Variants in MBP observed in about 807,000 individuals in gnomAD.
MBP encodes the protein Golli-MBP.
MBP carries 16 observed loss-of-function variants against 35.8 expected under a neutral mutation model. The ratio of observed to expected loss-of-function variants is 0.45; its 90% CI spans 0.30 to 0.68. The LOEUF (loss-of-function observed/expected upper bound fraction) is 0.68. Among genes scored for constraint, MBP ranks in the 30% least tolerant of loss-of-function variants. The pLI is 0.08. For synonymous variants in MBP, 143 were observed against 159.6 expected (o/e 0.90, Z 0.78); for missense variants, 380 against 404.7 (o/e 0.94, Z 0.52).
In MBP at chr18:76,988,351, C is replaced by G; in HGVS notation, c.750+144G>C. 3.1e-6 allele frequency: 5 copies of G among 1,607,450 alleles called. No individual in the cohort carries two copies. The highest frequency in any genetic ancestry group is 4.2e-6 in the Non-Finnish European group (5 of 1,176,772). ...TTTCCCCAGTGGAAGACAAGGCGGCCCGATCCCAGCTGTGGGCAGAGAGGT... is the reference window on the plus strand; with the variant it reads ...TTTCCCCAGTGGAAGACAAGGCGGCGCGATCCCAGCTGTGGGCAGAGAGGT... On this transcript the variant is annotated intron_variant, in intron 7 of 8. Coordinates refer to ENST00000355994, the MANE Select transcript of MBP (RefSeq NM_001025101.2). The surrounding 1 kb of genome is among the most constrained non-coding windows in gnomAD (Gnocchi z 5.2).
chr18:77,000,753 A>G (rs140777783), intron 4 of MBP, among the ~76,000 whole-genome samples: 33 of 151,948 alleles, frequency 2.2e-4, no homozygotes, highest in South Asian at 8.3e-4. Flanking sequence ...CTGCTTTCCA[A>G]TTTGTTTTAA....
At chr18:77,074,491 A>G (rs531986886) in intron 2 of MBP, among the ~76,000 whole-genome samples, 3 of 152,318 alleles carry the variant, frequency 2.0e-5, no homozygotes, top group Admixed American at 6.5e-5. Flanking sequence ...CAACAGGACT[A>G]TAAGCCTGTG....
At chr18:76,984,706 C>A in intron 8 of MBP, 69 bp downstream of exon 8, 3 of 1,609,012 alleles carry the variant, frequency 1.9e-6, no homozygotes, top group Non-Finnish European at 8.5e-7. Context: ...CACCCTTGTA[C>A]TCAGCTTAGT....
intron 1 of MBP, among the ~76,000 whole-genome samples, chr18:77,126,811 T>A (rs1977065876): frequency 6.6e-6 from 1 of 152,200 alleles, no homozygotes. Flanking sequence ...AAAACACTTA[T>A]GTACACTGTA....
At chr18:77,093,785 C>T (rs1407793576) in intron 2 of MBP, among the ~76,000 whole-genome samples, 1 of 152,176 alleles carries the variant, frequency 6.6e-6, no homozygotes, top group African/African-American at 2.4e-5. Flanking sequence ...TGCTGGACAC[C>T]CCGCCCAGCA....
rs1568354773 is a variant in MBP at position 77,131,069 on chromosome 18, ACGCGCGCACGCACGCG to A, written c.-26+1495_-26+1510del. ...AAACCTCAAAAAACAAAACACACAC[ACGCGCGCACGCACGCG>A]CACACACACACACACACACACACAC... is the stretch of plus-strand genomic sequence containing the variant. On this transcript the variant is annotated intron_variant, in intron 1 of 8. Transcript: ENST00000355994. The surrounding 1 kb of genome is among the most constrained non-coding windows in gnomAD (Gnocchi z 5.5). Among the ~76,000 whole-genome samples the A allele has an allele frequency of 1.2e-5, 1 of 80,738 alleles. No homozygotes were observed. Among genetic ancestry groups the A allele is most frequent in the Admixed American group, 1.2e-4 (1 of 8,564 alleles). 53.0% of individuals were successfully genotyped at this position (80,738 alleles called of 152,430 possible).
At chr18:77,072,752 C>T (rs890880639) in intron 2 of MBP, among the ~76,000 whole-genome samples, 2 of 152,186 alleles carry the variant, frequency 1.3e-5, no homozygotes, top group Admixed American at 6.5e-5. Context: ...GATGTAGTGC[C>T]GCCCGCAGCG....
rs1977238585 is a variant in MBP at position 77,131,071 on chromosome 18, G to GCA, written c.-26+1508_-26+1509insTG. On this transcript the variant is annotated intron_variant, in intron 1 of 8. Transcript: ENST00000355994. The surrounding 1 kb of genome is among the most constrained non-coding windows in gnomAD (Gnocchi z 5.5). Reference sequence around the variant, plus strand: ...ACCTCAAAAAACAAAACACACACACGCGCGCACGCACGCGCACACACACAC... The same window carrying GCA: ...ACCTCAAAAAACAAAACACACACACGCACGCGCACGCACGCGCACACACACAC... Among the ~76,000 whole-genome samples, 1 of 17,654 alleles carries GCA rather than the reference G, an allele frequency of 5.7e-5. No individual in the cohort carries two copies. The highest frequency in any genetic ancestry group is 1.6e-4 in the African/African-American group (1 of 6,366). 11.6% of individuals were successfully genotyped at this position (17,654 alleles called of 152,430 possible). A position where few individuals can be genotyped will look rare whatever the true frequency, so the allele number is the denominator to read the frequency against.
rs6565928 is a variant in MBP at position 77,063,990 on chromosome 18, G to C, written c.139+2308C>G. Among the ~76,000 whole-genome samples, 169 of 152,190 alleles carry C rather than the reference G, an allele frequency of 1.1e-3. 1 individual carries two copies. Among genetic ancestry groups the C allele is most frequent in the African/African-American group, 3.8e-3 (159 of 41,510 alleles). ...GAATAATCTCAAAAGCAATTAGCTA[G>C]GGGAATAATGATAAAGATGATGTTT... On this transcript the variant is annotated intron_variant, in intron 3 of 8. Coordinates refer to ENST00000355994, the MANE Select transcript of MBP (RefSeq NM_001025101.2).
intron 3 of MBP, among the ~76,000 whole-genome samples, chr18:77,065,181 T>G (rs1974145002): frequency 6.6e-6 from 1 of 152,238 alleles, no homozygotes; most frequent in African/African-American, 2.4e-5. Context: ...ACTGGATAAT[T>G]TATAAAGAAA....
chr18:76,992,134 G>C (rs989346795), intron 4 of MBP, among the ~76,000 whole-genome samples: 3 of 152,124 alleles, frequency 2.0e-5, no homozygotes, highest in Admixed American at 1.3e-4. Flanking sequence ...TTCCCTACTC[G>C]ATCCTCTTCA....
chr18:77,078,266 G>A (rs1375530750), intron 2 of MBP, among the ~76,000 whole-genome samples: 1 of 152,160 alleles, frequency 6.6e-6, no homozygotes, highest in Non-Finnish European at 1.5e-5. Flanking sequence ...TCTTCCGAGG[G>A]GCTGAAAGCT....
chr18:77,052,613 G>A (rs949647383), intron 3 of MBP, among the ~76,000 whole-genome samples: 2 of 152,212 alleles, frequency 1.3e-5, no homozygotes, highest in African/African-American at 4.8e-5. Flanking sequence ...AACTTGAAGC[G>A]AATGCAGCTA....
intron 4 of MBP, among the ~76,000 whole-genome samples, chr18:76,996,287 T>C (rs1046072074): frequency 6.6e-6 from 1 of 152,264 alleles, no homozygotes; most frequent in Admixed American, 6.5e-5. Flanking sequence ...CATTTCCTGC[T>C]TTAAATACTA....
chr18:76,998,275 G>C (rs1259474883), intron 4 of MBP, among the ~76,000 whole-genome samples: 1 of 152,200 alleles, frequency 6.6e-6, no homozygotes, highest in Non-Finnish European at 1.5e-5. Flanking sequence ...CTCTGCGGAC[G>C]GCTTGGTGCA....
At chr18:77,002,992 T>C (rs1970719576) in intron 4 of MBP, 1 of 152,210 alleles carries the variant, frequency 6.6e-6, no homozygotes, top group Non-Finnish European at 1.5e-5. Context: ...ATATGCCAGT[T>C]AGTGTCTAGG....
chr18:77,105,542 C>T (rs1976242687), intron 1 of MBP, among the ~76,000 whole-genome samples: 1 of 152,206 alleles, frequency 6.6e-6, no homozygotes, highest in African/African-American at 2.4e-5. Context: ...TTCAACCTGT[C>T]TTGAGAAATC....
At chr18:77,013,907 G>T (rs1971483158) in intron 4 of MBP, 1 of 985,276 alleles carries the variant, frequency 1.0e-6, no homozygotes, top group Admixed American at 6.1e-5. Flanking sequence ...GCTCTGCCTC[G>T]TGACACTCAA....
At chr18:77,076,441 T>C (rs1442665599) in intron 2 of MBP, among the ~76,000 whole-genome samples, 2 of 152,228 alleles carry the variant, frequency 1.3e-5, no homozygotes, top group Non-Finnish European at 2.9e-5. Flanking sequence ...CAGCTGCACC[T>C]GCAGAGGGCT....
Sources: allele counts gnomAD v4.1 joint callset (sites outside exome capture counted in the v4.1 genomes callset), GRCh38; gene constraint gnomAD v4.1.1; non-coding constraint Gnocchi (gnomAD v3.1); transcripts MANE v1.5; gene names NCBI Gene and HGNC (gene_info 2026-07-23, HGNC 2026-07-21).